VPS4B: variants seen among roughly 807,000 people sequenced by gnomAD.
VPS4B encodes vacuolar protein sorting 4 homolog B, also known as vacuolar protein sorting-associated protein 4B.
A neutral mutation model predicts 56.1 loss-of-function variants in VPS4B; 23 were observed. The observed-to-expected ratio is 0.41, with a 90% CI of 0.30 to 0.58. VPS4B has a LOEUF of 0.58. Ranked by LOEUF, VPS4B falls within the 20% of genes least tolerant of loss-of-function variation. The pLI is 0.29. For missense variants in VPS4B, 372 were observed against 531.9 expected (o/e 0.70, Z 2.96); for synonymous variants, 177 against 186.0 (o/e 0.95, Z 0.39).
chr18:63,418,375 T>C (rs867806859), intron 1 of VPS4B, among the ~76,000 whole-genome samples: 1 of 152,074 alleles, frequency 6.6e-6, no homozygotes, highest in South Asian at 2.1e-4. Context: ...CAGTGTCTCC[T>C]TGCCTGGCTG....
chr18:63,414,864 T>A (rs1916128276), intron 1 of VPS4B, among the ~76,000 whole-genome samples: 1 of 152,256 alleles, frequency 6.6e-6, no homozygotes, highest in African/African-American at 2.4e-5. Context: ...CACACTGATT[T>A]TTATTAAGTT....
chr18:63,400,538 A>G lies in VPS4B; in HGVS notation c.641+9T>C, dbSNP rs1340147715. On this transcript the variant is annotated intron_variant, in intron 6 of 10. Transcript: ENST00000238497. ...AGAAAAAACTTTAAAAAATTGATTTACTACTTACTTTTCACTTTCACCTAG... is the reference window on the plus strand; with the variant it reads ...AGAAAAAACTTTAAAAAATTGATTTGCTACTTACTTTTCACTTTCACCTAG... The G allele has an allele frequency of 6.2e-7, 1 of 1,602,100 alleles. No homozygotes were observed. The highest frequency in any genetic ancestry group is 1.1e-5 in the South Asian group (1 of 88,288).
At chr18:63,392,451 G>T (rs1022836139) in intron 10 of VPS4B, among the ~76,000 whole-genome samples, 1 of 152,138 alleles carries the variant, frequency 6.6e-6, no homozygotes, top group Non-Finnish European at 1.5e-5. Flanking sequence ...TTTTGTTTTT[G>T]TTGTTGTTGT....
chr18:63,391,087 A>G lies in VPS4B; in HGVS notation c.1234-11T>C, dbSNP rs1915538152. 4 of 1,561,886 alleles carry G rather than the reference A, an allele frequency of 2.6e-6. No individual in the cohort carries two copies. Among genetic ancestry groups the G allele is most frequent in the Non-Finnish European group, 3.5e-6 (4 of 1,132,956 alleles). Reference sequence around the variant, plus strand: ...CCGCAACATATCCGACTGTCAGGGAAAAAGAAGGGTAGGGAGGATATTAAT... The same window carrying G: ...CCGCAACATATCCGACTGTCAGGGAGAAAGAAGGGTAGGGAGGATATTAAT... On this transcript the variant is annotated splice_polypyrimidine_tract_variant and intron_variant, in intron 10 of 10. Transcript: ENST00000238497.
chr18:63,416,192 C>T (rs2144438623), intron 1 of VPS4B: 1 of 187,112 alleles, frequency 5.3e-6, no homozygotes, highest in African/African-American at 2.3e-5. Context: ...GACAAACTTG[C>T]CCTTGGGATA....
At chr18:63,397,360 T>A (rs1158513304) in intron 8 of VPS4B, 107 bp from the exon 9 acceptor site, 2 of 1,018,150 alleles carry the variant, frequency 2.0e-6, no homozygotes, top group East Asian at 2.6e-5. Context: ...AGGTTAAACA[T>A]ATATATTTAG....
chr18:63,395,702 C>T (rs1915654120), intron 9 of VPS4B, among the ~76,000 whole-genome samples: 1 of 152,192 alleles, frequency 6.6e-6, no homozygotes, highest in Admixed American at 6.5e-5. Context: ...TACTGTTGTT[C>T]ACAGCAAAAG....
At position 63,422,339 on chromosome 18, in the gene VPS4B, A is replaced by G; in HGVS notation, c.-80T>C. 1.5e-6 allele frequency: 2 copies of G among 1,355,450 alleles called. No homozygotes were observed. Among genetic ancestry groups the G allele is most frequent in the Admixed American group, 3.4e-5 (1 of 29,840 alleles). 84.0% of individuals were successfully genotyped at this position (1,355,450 alleles called of 1,614,324 possible). A position where few individuals can be genotyped will look rare whatever the true frequency, so the allele number is the denominator to read the frequency against. On this transcript the variant is annotated 5_prime_UTR_variant, in exon 1 of 11. Coordinates refer to ENST00000238497, the MANE Select transcript of VPS4B (RefSeq NM_004869.4). ...AGCAACGTCGAAGCGCGCACGGGGT[A>G]ACAGCCCTCAAACTGGGGAGGCCGG...
At chr18:63,419,878 A>T (rs765699525) in intron 1 of VPS4B, among the ~76,000 whole-genome samples, 4 of 152,200 alleles carry the variant, frequency 2.6e-5, no homozygotes, top group African/African-American at 7.2e-5. Context: ...TATAATTTTG[A>T]TTTTTAGTTA....
At chr18:63,411,338 G>A (rs1916036319) in intron 2 of VPS4B, 129 bp downstream of exon 2, 1 of 592,566 alleles carries the variant, frequency 1.7e-6, no homozygotes, top group Non-Finnish European at 2.6e-6. Context: ...GAAAGAAAGT[G>A]GAGTATTTTT....
At chr18:63,411,655 GTTT>G in intron 1 of VPS4B, 77 bp from the exon 2 acceptor site, 5 of 751,638 alleles carry the variant, frequency 6.7e-6, no homozygotes, top group African/African-American at 1.9e-5. Context: ...CATACTGAAA[GTTT>G]TTTTTTTTTT....
chr18:63,403,908 G>T, intron 4 of VPS4B, 82 bp from the exon 5 acceptor site: 1 of 1,456,714 alleles, frequency 6.9e-7, no homozygotes, highest in Non-Finnish European at 9.2e-7. Flanking sequence ...TGATGTTAAA[G>T]AAACGCATTA....
intron 4 of VPS4B, among the ~76,000 whole-genome samples, chr18:63,406,446 A>G (rs1386205530): frequency 2.0e-5 from 3 of 152,256 alleles, no homozygotes; most frequent in Non-Finnish European, 4.4e-5. Context: ...AAGTATTTTC[A>G]CTATTCAGTA....
intron 9 of VPS4B, among the ~76,000 whole-genome samples, chr18:63,394,207 A>C (rs931903372): frequency 6.6e-6 from 1 of 152,212 alleles, no homozygotes; most frequent in African/African-American, 2.4e-5. Context: ...AAAAACAGAT[A>C]TATTAAAAAA....
chr18:63,421,055 GAAAGA>G (rs1166988446), intron 1 of VPS4B, among the ~76,000 whole-genome samples: 8 of 145,014 alleles, frequency 5.5e-5, no homozygotes, highest in Non-Finnish European at 9.1e-5. Context: ...AAAAAAAAAA[GAAAGA>G]AAAGAAAAGG....
intron 2 of VPS4B, 89 bp from the exon 3 acceptor site, chr18:63,410,535 G>A (rs1916017069): frequency 1.1e-5 from 16 of 1,487,762 alleles, no homozygotes; most frequent in African/African-American, 1.4e-5. Context: ...TTCAGACAAG[G>A]AAATTCTATG....
rs1445288960 is a variant in VPS4B, at chr18:63,390,212, TACAG to T, written c.*759_*762del. ...CCTCAGCCTCCTGAGTAGCTGGGAT[TACAG>T]ACACTCGCCATCATGCCCAGCTAAT... On this transcript the variant is annotated 3_prime_UTR_variant, in exon 11 of 11. Transcript: ENST00000238497. 2 of 152,382 alleles carry T rather than the reference TACAG, an allele frequency of 1.3e-5. No homozygotes were observed. Among genetic ancestry groups the T allele is most frequent in the Non-Finnish European group, 2.9e-5 (2 of 68,206 alleles). 9.4% of individuals were successfully genotyped at this position (152,382 alleles called of 1,614,324 possible).
chr18:63,414,293 C>T (rs1916114514), intron 1 of VPS4B, among the ~76,000 whole-genome samples: 2 of 149,798 alleles, frequency 1.3e-5, no homozygotes, highest in South Asian at 4.3e-4. Flanking sequence ...TCGCTTGAAT[C>T]CGGGAGACAG....
Position 63,422,216 on chromosome 18 carries a change from G to C in VPS4B, c.27+17C>G. The C allele has an allele frequency of 2.7e-6, 4 of 1,507,704 alleles. No individual in the cohort carries two copies. Among genetic ancestry groups the C allele is most frequent in the Non-Finnish European group, 3.6e-6 (4 of 1,126,564 alleles). The allele number at this position is 1,507,704 out of a possible 1,614,324, so 93.4% of individuals were successfully genotyped here. ...CGATCCCAGCTCCCTAGGGGGACGGGAGATGAGCAATGATACCTGGAGGTT... is the reference window on the plus strand; with the variant it reads ...CGATCCCAGCTCCCTAGGGGGACGGCAGATGAGCAATGATACCTGGAGGTT... On this transcript the variant is annotated intron_variant, in intron 1 of 10. Transcript: ENST00000238497.
Sources: gnomAD v4.1 joint callset for allele counts (sites outside exome capture counted in the v4.1 genomes callset) on GRCh38, gnomAD v4.1.1 for gene constraint, MANE v1.5 for transcripts, NCBI Gene and HGNC (gene_info 2026-07-23, HGNC 2026-07-21) for gene names.